TOMM20: variants seen among roughly 807,000 people sequenced by gnomAD.
TOMM20 encodes mitochondrial import receptor subunit TOM20 homolog.
A neutral mutation model predicts 22.1 loss-of-function variants in TOMM20; 10 were observed. That is an observed-to-expected ratio of 0.45 (90% CI 0.28 to 0.77). The LOEUF (loss-of-function observed/expected upper bound fraction) is 0.77, where lower values mean the gene tolerates loss of function less well. TOMM20 is among the 30% of genes least tolerant of loss of function. The pLI, the probability that TOMM20 is intolerant of heterozygous loss-of-function variation, is 0.13. For missense variants in TOMM20, 121 were observed against 172.2 expected (o/e 0.70, Z 1.66); for synonymous variants, 55 against 61.4 (o/e 0.90, Z 0.49).
chr1:235,127,255 T>C (rs576783519), intron 1 of TOMM20, among the ~76,000 whole-genome samples: 1 of 152,286 alleles, frequency 6.6e-6, no homozygotes, highest in Admixed American at 6.5e-5. Context: ...AATTCAAACA[T>C]CTCAACCTTC....
Position 235,123,460 on chromosome 1 carries a change from G to A in TOMM20, c.122-1088C>T, listed in dbSNP as rs1033089849. Among the ~76,000 whole-genome samples the A allele has an allele frequency of 2.0e-5, 3 of 152,154 alleles. No individual in the cohort carries two copies. The East Asian group carries it at 5.8e-4, about 29-fold the overall frequency. On this transcript the variant is annotated intron_variant, in intron 1 of 4. Transcript: ENST00000366607. ...AGACTGTGCCACTGCACTTCAGCCT[G>A]GGCAACAGAGCGACACTCTGTCTCA...
In TOMM20 at chr1:235,111,792, TG is replaced by T. The variant is rs1466904311; in HGVS notation, c.*271del. 38 of 367,600 alleles carry T rather than the reference TG, an allele frequency of 1.0e-4. No homozygotes were observed. In the South Asian group the frequency reaches 1.2e-3, roughly 11 times the overall value. The allele number at this position is 367,600 out of a possible 1,614,324, so 22.8% of individuals were successfully genotyped here. ...CCATGTCATATGTACAGTTTAACTA[TG>T]TAACTATGTTTCAGGAATAAACAAA... On this transcript the variant is annotated 3_prime_UTR_variant, in exon 5 of 5. Transcript: ENST00000366607.
chr1:235,125,462 G>A (rs536544206), intron 1 of TOMM20, among the ~76,000 whole-genome samples: 10 of 152,012 alleles, frequency 6.6e-5, no homozygotes, highest in South Asian at 2.1e-4. Context: ...TGATCCGCCC[G>A]CCTCGGCCTC....
intron 1 of TOMM20, among the ~76,000 whole-genome samples, chr1:235,124,819 T>C (rs1332780553): frequency 6.6e-6 from 1 of 151,030 alleles, no homozygotes; most frequent in African/African-American, 2.5e-5. Context: ...ACAATTAACT[T>C]ATTACATTAA....
At chr1:235,123,979 C>T (rs1660973133) in intron 1 of TOMM20, among the ~76,000 whole-genome samples, 1 of 152,234 alleles carries the variant, frequency 6.6e-6, no homozygotes, top group Non-Finnish European at 1.5e-5. Flanking sequence ...TGGATGTGAG[C>T]ACTAAGTTTT....
At chr1:235,117,028 G>A (rs565867483) in intron 3 of TOMM20, among the ~76,000 whole-genome samples, 14 of 147,502 alleles carry the variant, frequency 9.5e-5, no homozygotes, top group South Asian at 2.2e-4. Context: ...CCAGCTACTC[G>A]GGAGGCTGAG....
At chr1:235,115,736 A>G (rs1286158346) in intron 3 of TOMM20, among the ~76,000 whole-genome samples, 1 of 152,264 alleles carries the variant, frequency 6.6e-6, no homozygotes, top group Non-Finnish European at 1.5e-5. Context: ...CCTTTGCTCC[A>G]AACTGTCTTT....
intron 3 of TOMM20, among the ~76,000 whole-genome samples, chr1:235,116,965 C>T (rs1346949907): frequency 6.6e-6 from 1 of 150,624 alleles, no homozygotes. Context: ...GAAACCCCGT[C>T]TCTACTAAAA....
At chr1:235,122,433 T>G in intron 1 of TOMM20, 61 bp from the exon 2 acceptor site, 2 of 1,473,020 alleles carry the variant, frequency 1.4e-6, no homozygotes, top group Non-Finnish European at 1.9e-6. Context: ...ATCAAAAGAA[T>G]TCTAACTGCT....
intron 1 of TOMM20, among the ~76,000 whole-genome samples, chr1:235,126,277 C>T (rs891058777): frequency 4.0e-5 from 6 of 151,580 alleles, no homozygotes; most frequent in Non-Finnish European, 5.9e-5. Context: ...GGACTACCGG[C>T]GTGCACCACC....
intron 1 of TOMM20, among the ~76,000 whole-genome samples, chr1:235,125,567 T>A (rs981339976): frequency 6.6e-6 from 1 of 152,062 alleles, no homozygotes; most frequent in Non-Finnish European, 1.5e-5. Flanking sequence ...ACATGCCTTA[T>A]GTGAAAAACT....
intron 1 of TOMM20, among the ~76,000 whole-genome samples, chr1:235,124,931 C>G (rs897851056): frequency 3.3e-5 from 5 of 152,100 alleles, no homozygotes; most frequent in Non-Finnish European, 7.4e-5. Flanking sequence ...CAAAATCAAG[C>G]CTTGACTCAA....
chr1:235,116,425 G>A (rs990635353), intron 3 of TOMM20, among the ~76,000 whole-genome samples: 5 of 152,076 alleles, frequency 3.3e-5, no homozygotes, highest in African/African-American at 1.2e-4. Flanking sequence ...TGTAGTCCCA[G>A]CTACTCAGGA....
Position 235,119,814 on chromosome 1 carries a change from T to C in TOMM20, c.250+4A>G. 1.2e-6 allele frequency: 2 copies of C among 1,604,878 alleles called. No homozygotes were observed. The highest frequency in any genetic ancestry group is 8.5e-7 in the Non-Finnish European group (1 of 1,173,062). ...CATTTCCTTAGCTTTTCAATGACTA[T>C]TACCTTGAGCTAGTAACTCTTCACC... On this transcript the variant is annotated splice_donor_region_variant and intron_variant, in intron 3 of 4. Coordinates refer to ENST00000366607, the MANE Select transcript of TOMM20 (RefSeq NM_014765.3).
chr1:235,110,700 A>C lies in TOMM20; in HGVS notation c.*1364T>G, dbSNP rs1160580416. On this transcript the variant is annotated 3_prime_UTR_variant, in exon 5 of 5. Transcript: ENST00000366607. The stretch of plus-strand genomic sequence containing the variant: ...GCACCACAAAAAAACCGAGATTGAT[A>C]ATGATTAAGAAGAGTTTGTAAGTCA... 2.0e-5 allele frequency: 3 copies of C among 152,210 alleles called. No homozygotes were observed. The East Asian group carries it at 5.8e-4, about 29-fold the overall frequency. 9.4% of individuals were successfully genotyped at this position (152,210 alleles called of 1,614,324 possible).
chr1:235,127,041 G>C (rs1484726079), intron 1 of TOMM20, among the ~76,000 whole-genome samples: 2 of 152,214 alleles, frequency 1.3e-5, no homozygotes, highest in Non-Finnish European at 2.9e-5. Flanking sequence ...TCCTCCATTT[G>C]TCTAAAATGA....
At chr1:235,113,585 C>T (rs1481315576) in intron 4 of TOMM20, among the ~76,000 whole-genome samples, 183 bp downstream of exon 4, 2 of 152,210 alleles carry the variant, frequency 1.3e-5, no homozygotes, top group African/African-American at 2.4e-5. Flanking sequence ...ATCACTAGAT[C>T]TGGGCAGTCA....
At position 235,113,806 on chromosome 1, in the gene TOMM20, A is replaced by G; in HGVS notation, c.355T>C (p.Phe119Leu). 1 of 1,613,394 alleles carries G rather than the reference A, an allele frequency of 6.2e-7. No individual in the cohort carries two copies. The highest frequency in any genetic ancestry group is 8.5e-7 in the Non-Finnish European group (1 of 1,179,944). Residue 119 changes from phenylalanine (F) to leucine (L), a missense_variant, in exon 4 of 5, where the codon TTC (phenylalanine) becomes CTC (leucine). Phe to Leu is a conservative substitution (Grantham distance 22). Coordinates refer to ENST00000366607, the MANE Select transcript of TOMM20 (RefSeq NM_014765.3). ...GGGAGCTTAGTCAGAAGCATCTGGA[A>G]CACTGGTGGTGGAAGAGTTTGCTGT... ...VLQQTLPPPV[F>L]QMLLTKLPTI... is the part of the protein sequence containing the mutation.
At chr1:235,120,411 C>G (rs1660910961) in intron 2 of TOMM20, among the ~76,000 whole-genome samples, 2 of 151,624 alleles carry the variant, frequency 1.3e-5, no homozygotes, top group African/African-American at 4.8e-5. Context: ...TAGCTGGGTG[C>G]CCGCCACCAT....
Sources: allele counts gnomAD v4.1 joint callset (sites outside exome capture counted in the v4.1 genomes callset), GRCh38; gene constraint gnomAD v4.1.1; transcripts MANE v1.5; gene names NCBI Gene and HGNC (gene_info 2026-07-23, HGNC 2026-07-21).